Variants in EIF4E observed in about 807,000 individuals in gnomAD.
EIF4E encodes the protein eukaryotic translation initiation factor 4E, also known as eIF-4F 25 kDa subunit.
For synonymous variants in EIF4E, 71 were observed against 88.5 expected (o/e 0.80, Z 1.11); for missense variants, 113 against 265.6 (o/e 0.43, Z 3.99).
intron 1 of EIF4E, among the ~76,000 whole-genome samples, chr4:98,924,655 A>AC (rs1273639906): frequency 6.6e-6 from 1 of 151,726 alleles, no homozygotes; most frequent in African/African-American, 2.4e-5. Context: ...GTACAGTGGT[A>AC]CCATCTCGGT....
chr4:98,906,208 C>CA (rs1724869017), intron 1 of EIF4E, among the ~76,000 whole-genome samples: 1 of 152,140 alleles, frequency 6.6e-6, no homozygotes, highest in African/African-American at 2.4e-5. Flanking sequence ...ACAGGAACTT[C>CA]CAAAAAATTT....
chr4:98,892,225 A>C (rs1362820357), intron 2 of EIF4E, among the ~76,000 whole-genome samples: 2 of 150,288 alleles, frequency 1.3e-5, no homozygotes, highest in African/African-American at 2.5e-5. Context: ...GCATGCCTGT[A>C]TTCCCAGCTA....
chr4:98,906,721 A>T (rs1316165787), intron 1 of EIF4E, among the ~76,000 whole-genome samples: 1 of 152,116 alleles, frequency 6.6e-6, no homozygotes, highest in African/African-American at 2.4e-5. Flanking sequence ...TAAAAAATTA[A>T]ATGAAATGAA....
intron 1 of EIF4E, among the ~76,000 whole-genome samples, chr4:98,919,936 A>G (rs1725574089): frequency 2.0e-5 from 3 of 152,238 alleles, no homozygotes; most frequent in South Asian, 4.1e-4. Context: ...AATATTAAAT[A>G]AAGTTTAAAA....
chr4:98,926,929 TC>T (rs1725896210), intron 1 of EIF4E, among the ~76,000 whole-genome samples: 1 of 152,174 alleles, frequency 6.6e-6, no homozygotes, highest in Non-Finnish European at 1.5e-5. Context: ...TCTGCAAAAC[TC>T]AAGGGACCTA....
At chr4:98,911,477 T>A (rs910008598) in intron 1 of EIF4E, among the ~76,000 whole-genome samples, 2 of 149,350 alleles carry the variant, frequency 1.3e-5, no homozygotes, top group African/African-American at 4.9e-5. Flanking sequence ...CTGACCAACA[T>A]GGAGAAATCC....
At chr4:98,904,835 C>T (rs910659380) in intron 1 of EIF4E, among the ~76,000 whole-genome samples, 2 of 152,078 alleles carry the variant, frequency 1.3e-5, no homozygotes, top group African/African-American at 4.8e-5. Context: ...AGGAGCTACA[C>T]ATTTTTAAAT....
intron 1 of EIF4E, among the ~76,000 whole-genome samples, chr4:98,917,990 C>G (rs560255980): frequency 6.6e-6 from 1 of 151,970 alleles, no homozygotes; most frequent in East Asian, 1.9e-4. Context: ...GCAGGATGAT[C>G]GCTTGAACGT....
At chr4:98,928,278 C>T (rs1326354848) in intron 1 of EIF4E, among the ~76,000 whole-genome samples, 2 of 151,996 alleles carry the variant, frequency 1.3e-5, no homozygotes, top group Non-Finnish European at 2.9e-5. Context: ...CCTCGCTCCT[C>T]CCCCTTCCCT....
At chr4:98,914,716 A>G (rs949913715) in intron 1 of EIF4E, among the ~76,000 whole-genome samples, 1 of 152,126 alleles carries the variant, frequency 6.6e-6, no homozygotes, top group Non-Finnish European at 1.5e-5. Flanking sequence ...GTCATTTTAC[A>G]TTTGACAAAA....
intron 2 of EIF4E, among the ~76,000 whole-genome samples, chr4:98,893,671 T>C (rs1234731768): frequency 6.6e-6 from 1 of 152,258 alleles, no homozygotes; most frequent in East Asian, 1.9e-4. Context: ...TCTTGCTCTC[T>C]GCACATCTGC....
chr4:98,886,766 A>T, intron 5 of EIF4E: 1 of 371,928 alleles, frequency 2.7e-6, no homozygotes, highest in Non-Finnish European at 5.2e-6. Context: ...ATGCTGTAAG[A>T]GGGTTGCAAA....
At chr4:98,927,760 A>T (rs1721252218) in intron 1 of EIF4E, among the ~76,000 whole-genome samples, 2 of 151,772 alleles carry the variant, frequency 1.3e-5, no homozygotes, top group Admixed American at 1.3e-4. Context: ...ACACAAAAGT[A>T]TCTGGCAACC....
intron 2 of EIF4E, among the ~76,000 whole-genome samples, chr4:98,898,493 G>A (rs1380925485): frequency 1.3e-5 from 2 of 151,616 alleles, no homozygotes. Flanking sequence ...CTGTGGTTCC[G>A]GCTACTAGGG....
chr4:98,924,266 G>T (rs948445893), intron 1 of EIF4E, among the ~76,000 whole-genome samples: 1 of 151,842 alleles, frequency 6.6e-6, no homozygotes, highest in Non-Finnish European at 1.5e-5. Flanking sequence ...TTTAGTAGAG[G>T]TGGGGTTTCA....
At chr4:98,922,525 T>C (rs1360085519) in intron 1 of EIF4E, among the ~76,000 whole-genome samples, 2 of 147,752 alleles carry the variant, frequency 1.4e-5, no homozygotes, top group Non-Finnish European at 3.0e-5. Flanking sequence ...CACTGTACTC[T>C]AGCTGGGACA....
intron 2 of EIF4E, 53 bp from the exon 3 acceptor site, chr4:98,891,385 A>T: frequency 6.6e-7 from 1 of 1,519,540 alleles, no homozygotes; most frequent in Non-Finnish European, 9.0e-7. Flanking sequence ...CCATGTTAAA[A>T]GCAACATTAT....
intron 1 of EIF4E, among the ~76,000 whole-genome samples, chr4:98,927,785 GT>G (rs1026958155): frequency 2.2e-4 from 33 of 151,836 alleles, no homozygotes; most frequent in African/African-American, 8.0e-4. Context: ...TCTAGAGCTG[GT>G]TCCAGAGTGT....
chr4:98,911,844 C>T (rs1330586197), intron 1 of EIF4E, among the ~76,000 whole-genome samples: 1 of 150,100 alleles, frequency 6.7e-6, no homozygotes, highest in East Asian at 1.9e-4. Context: ...GAGGTGATAA[C>T]ACAGACACAA....
Sources: allele counts gnomAD v4.1 joint callset (sites outside exome capture counted in the v4.1 genomes callset), GRCh38; gene constraint gnomAD v4.1.1; transcripts MANE v1.5; gene names NCBI Gene and HGNC (gene_info 2026-07-23, HGNC 2026-07-21).